The following PAM variants were observed in gnomAD, a reference collection of about 807,000 sequenced individuals.
PAM encodes peptidylglycine alpha-amidating monooxygenase.
In PAM, 72 loss-of-function variants were observed where a neutral mutation model predicts 122.1. The ratio of observed to expected loss-of-function variants is 0.59; its 90% CI spans 0.49 to 0.72. The LOEUF (loss-of-function observed/expected upper bound fraction) is 0.72. Among genes scored for constraint, PAM ranks in the 30% least tolerant of loss-of-function variants. The pLI is 0.00. For missense variants in PAM, 1,106 were observed against 1,183.7 expected, an observed-to-expected ratio of 0.93 and a Z score of 0.96; for synonymous variants, 389 against 404.4, an observed-to-expected ratio of 0.96 and a Z score of 0.46.
At chr5:103,019,897 C>G in intron 23 of PAM, 54 bp downstream of exon 23, 1 of 1,015,362 alleles carries the variant, frequency 9.8e-7, no homozygotes, top group Non-Finnish European at 1.6e-6. Flanking sequence ...GTGTTGAATT[C>G]TTTTATGGCC....
intron 21 of PAM, among the ~76,000 whole-genome samples, chr5:103,015,001 A>G (rs1395445826): frequency 3.9e-5 from 6 of 152,192 alleles, no homozygotes; most frequent in Non-Finnish European, 5.9e-5. Flanking sequence ...AAAGAAAAAA[A>G]AGTGAGCCCA....
chr5:102,961,074 T>C lies in PAM; in HGVS notation c.1091-84T>C, dbSNP rs1399976639. On this transcript the variant is annotated intron_variant, in intron 13 of 25. Transcript: ENST00000438793. ...CACAAGACCCTGAATAGTATTTTTA[T>C]GTTGATGGACTATTTCCAATAAACT... The C allele has an allele frequency of 5.6e-6, 4 of 717,336 alleles. No homozygotes were observed. In the East Asian group the frequency reaches 1.1e-4, roughly 19 times the overall value. 44.4% of individuals were successfully genotyped at this position (717,336 alleles called of 1,614,324 possible). A position where few individuals can be genotyped will look rare whatever the true frequency, so the allele number is the denominator to read the frequency against.
intron 1 of PAM, among the ~76,000 whole-genome samples, chr5:102,808,641 T>C (rs1344832648): frequency 1.3e-5 from 2 of 152,248 alleles, no homozygotes; most frequent in Admixed American, 6.5e-5. Flanking sequence ...TTAAATGATA[T>C]TAACATTTGA....
At chr5:102,932,883 C>A (rs1752060332) in intron 7 of PAM, among the ~76,000 whole-genome samples, 1 of 152,062 alleles carries the variant, frequency 6.6e-6, no homozygotes, top group African/African-American at 2.4e-5. Flanking sequence ...TAGAGTTTTT[C>A]CATGTAACTG....
intron 3 of PAM, among the ~76,000 whole-genome samples, chr5:102,881,507 T>C (rs1424906074): frequency 6.6e-6 from 1 of 152,054 alleles, no homozygotes; most frequent in Non-Finnish European, 1.5e-5. Context: ...TTTAGGAAAG[T>C]AGAGTTATCT....
intron 7 of PAM, among the ~76,000 whole-genome samples, chr5:102,927,782 A>T (rs754210721): frequency 6.7e-6 from 1 of 149,054 alleles, no homozygotes; most frequent in Non-Finnish European, 1.5e-5. Flanking sequence ...ATATAAATTA[A>T]TATATATATA....
At chr5:103,017,719 G>C (rs1253724714) in intron 22 of PAM, among the ~76,000 whole-genome samples, 1 of 152,098 alleles carries the variant, frequency 6.6e-6, no homozygotes, top group East Asian at 1.9e-4. Context: ...AGGAGAGAGG[G>C]GGCTTTGGCA....
intron 1 of PAM, among the ~76,000 whole-genome samples, chr5:102,841,150 G>T (rs13155440): frequency 0.077 from 11,790 of 152,134 alleles, 774 homozygotes; most frequent in African/African-American, 0.17. Flanking sequence ...AGCATACATA[G>T]TAAGTTTCAT....
intron 7 of PAM, among the ~76,000 whole-genome samples, chr5:102,929,776 T>C (rs537948243): frequency 6.6e-6 from 1 of 152,312 alleles, no homozygotes; most frequent in South Asian, 2.1e-4. Context: ...TAGATCAAGC[T>C]TGTCCAAGCT....
intron 7 of PAM, among the ~76,000 whole-genome samples, chr5:102,940,924 A>AG (rs1377807972): frequency 6.6e-6 from 1 of 152,160 alleles, no homozygotes; most frequent in Non-Finnish European, 1.5e-5. Flanking sequence ...AAAGAGTTCT[A>AG]AAGCCAATCA....
At chr5:102,877,625 T>C (rs559164817) in intron 3 of PAM, among the ~76,000 whole-genome samples, 26 of 152,350 alleles carry the variant, frequency 1.7e-4, no homozygotes, top group African/African-American at 4.6e-4. Flanking sequence ...TCAACTTTTA[T>C]AATTTTGTCT....
rs1746282916 is a variant in PAM at position 102,918,553 on chromosome 5, T to G, written c.356+4532T>G. Among the ~76,000 whole-genome samples, 4 of 152,106 alleles carry G rather than the reference T, an allele frequency of 2.6e-5. No individual in the cohort carries two copies. In the South Asian group the frequency reaches 8.3e-4, roughly 31 times the overall value. ...ATTTAAATTTACTTAAATAGTAAAT[T>G]TTGAGGATATCTTGGAAATTTAAAT... On this transcript the variant is annotated intron_variant, in intron 5 of 25. Transcript: ENST00000438793.
intron 3 of PAM, among the ~76,000 whole-genome samples, chr5:102,884,918 G>A (rs73192771): frequency 0.089 from 13,559 of 151,724 alleles, 1,499 homozygotes; most frequent in African/African-American, 0.25. Context: ...TTTGTACAAT[G>A]TGTCATACTC....
chr5:102,759,249 T>C (rs1751610961), intron 1 of PAM, among the ~76,000 whole-genome samples: 2 of 151,878 alleles, frequency 1.3e-5, no homozygotes, highest in Non-Finnish European at 2.9e-5. Flanking sequence ...CCTAATTGGG[T>C]TGGTGGTGGT....
intron 1 of PAM, among the ~76,000 whole-genome samples, chr5:102,841,696 A>G (rs1274589232): frequency 6.6e-6 from 1 of 152,212 alleles, no homozygotes; most frequent in Non-Finnish European, 1.5e-5. Context: ...AAATTTTGTC[A>G]TAATCAAAAT....
In PAM at chr5:102,898,810, T is replaced by C. The variant is rs576595280; in HGVS notation, c.211-2546T>C. Reference sequence around the variant, plus strand: ...GGTTTGAAAAATACCTTTTAACAGCTATCTTTCCATAGTAGAAGAGAAGTG... The same window carrying C: ...GGTTTGAAAAATACCTTTTAACAGCCATCTTTCCATAGTAGAAGAGAAGTG... On this transcript the variant is annotated intron_variant, in intron 3 of 25. Coordinates refer to ENST00000438793, the MANE Select transcript of PAM (RefSeq NM_001177306.2). Among the ~76,000 whole-genome samples, 13 of 151,798 alleles carry C rather than the reference T, an allele frequency of 8.6e-5. No individual in the cohort carries two copies. In the East Asian group the frequency reaches 2.5e-3, roughly 30 times the overall value.
chr5:102,775,361 G>T (rs954718299), intron 1 of PAM, among the ~76,000 whole-genome samples: 1 of 151,392 alleles, frequency 6.6e-6, no homozygotes, highest in African/African-American at 2.4e-5. Context: ...TTAAGTTCTG[G>T]GATACATGTG....
At chr5:102,951,411 T>C (rs1758847662) in intron 12 of PAM, among the ~76,000 whole-genome samples, 1 of 152,034 alleles carries the variant, frequency 6.6e-6, no homozygotes, top group Non-Finnish European at 1.5e-5. Flanking sequence ...CAAAAAAAAC[T>C]TACCTAAATG....
chr5:102,909,763 G>A (rs1800816128), intron 4 of PAM, among the ~76,000 whole-genome samples: 1 of 151,782 alleles, frequency 6.6e-6, no homozygotes, highest in Admixed American at 6.6e-5. Flanking sequence ...CCCATGATAT[G>A]CAAGCTAAGC....
Sources: allele counts gnomAD v4.1 joint callset (sites outside exome capture counted in the v4.1 genomes callset), GRCh38; gene constraint gnomAD v4.1.1; transcripts MANE v1.5; gene names NCBI Gene and HGNC (gene_info 2026-07-23, HGNC 2026-07-21).